Variants in LINGO2 observed in about 807,000 individuals in gnomAD.
The protein encoded by LINGO2 is leucine rich repeat and Ig domain containing 2, also known as leucine-rich repeat and immunoglobulin-like domain-containing nogo receptor-interacting protein 2.
A neutral mutation model predicts 30.6 loss-of-function variants in LINGO2; 14 were observed. The observed-to-expected ratio is 0.46, with a 90% confidence interval of 0.30 to 0.72. The LOEUF (loss-of-function observed/expected upper bound fraction) is 0.72. Among genes scored for constraint, LINGO2 ranks in the 30% least tolerant of loss-of-function variants. The pLI is 0.07. For synonymous variants in LINGO2, 317 were observed against 288.5 expected, an observed-to-expected ratio of 1.10 and a Z score of -1.00; for missense variants, 729 against 751.7, an observed-to-expected ratio of 0.97 and a Z score of 0.35.
At chr9:28,300,143 A>C (rs1824084379) in intron 3 of LINGO2, among the ~76,000 whole-genome samples, 1 of 139,092 alleles carries the variant, frequency 7.2e-6, no homozygotes, top group East Asian at 2.1e-4. Flanking sequence ...AAAAAAAAAA[A>C]CAAAGACACA....
chr9:28,354,676 T>TC (rs1452298258), intron 3 of LINGO2, among the ~76,000 whole-genome samples: 9 of 152,222 alleles, frequency 5.9e-5, no homozygotes, highest in African/African-American at 2.2e-4. Flanking sequence ...ACACATTTTT[T>TC]CTCCTTGTTT....
At chr9:28,276,818 A>G (rs73429596) in intron 4 of LINGO2, among the ~76,000 whole-genome samples, 1,839 of 152,336 alleles carry the variant, frequency 0.012, 50 homozygotes, top group African/African-American at 0.042. Context: ...ATTAAAAGAC[A>G]AACTCTTTAT....
At chr9:28,143,675 G>A (rs1381817751) in intron 4 of LINGO2, among the ~76,000 whole-genome samples, 1 of 151,778 alleles carries the variant, frequency 6.6e-6, no homozygotes. Flanking sequence ...AGGGAAAAGA[G>A]GTGTTTAACA....
the LINGO2 span, among the ~76,000 whole-genome samples, chr9:28,947,772 A>AT: frequency 6.6e-6 from 1 of 151,588 alleles, no homozygotes. Context: ...ATATGTATAT[A>AT]TAGTATGAAA....
At chr9:28,778,612 C>T in the LINGO2 span, among the ~76,000 whole-genome samples, 2 of 152,160 alleles carry the variant, frequency 1.3e-5, no homozygotes, top group East Asian at 1.9e-4. Flanking sequence ...AGTATGAGCA[C>T]AGGGACAATC....
the LINGO2 span, among the ~76,000 whole-genome samples, chr9:28,808,802 T>C: frequency 2.0e-4 from 30 of 152,332 alleles, no homozygotes; most frequent in African/African-American, 7.0e-4. Flanking sequence ...TTATAATAAA[T>C]ATTTAAGGAA....
intron 1 of LINGO2, among the ~76,000 whole-genome samples, chr9:28,551,763 C>T (rs1822296903): frequency 6.6e-6 from 1 of 152,010 alleles, no homozygotes; most frequent in South Asian, 2.1e-4. Context: ...TATTGACATT[C>T]TATTTTGGAA....
chr9:28,056,242 A>T (rs750499795), intron 4 of LINGO2, among the ~76,000 whole-genome samples: 21 of 152,068 alleles, frequency 1.4e-4, no homozygotes, highest in Non-Finnish European at 2.8e-4. Flanking sequence ...AATGGCAAGA[A>T]ACACTGCACT....
chr9:28,346,194 C>G (rs1819560189), intron 3 of LINGO2, among the ~76,000 whole-genome samples: 2 of 152,166 alleles, frequency 1.3e-5, no homozygotes, highest in Admixed American at 6.5e-5. Flanking sequence ...TGGTCCTCTA[C>G]TTCCTCCCAC....
chr9:28,986,003 A>C, the LINGO2 span, among the ~76,000 whole-genome samples: 1 of 152,168 alleles, frequency 6.6e-6, no homozygotes. Context: ...TATTACAATT[A>C]AGTCTTTAAT....
intron 2 of LINGO2, among the ~76,000 whole-genome samples, chr9:28,463,651 T>C (rs896138020): frequency 1.3e-5 from 2 of 152,096 alleles, no homozygotes. Context: ...TATGTGTGCA[T>C]GTTTGTGCTG....
At chr9:28,025,678 T>C (rs1223986879) in intron 4 of LINGO2, among the ~76,000 whole-genome samples, 1 of 152,200 alleles carries the variant, frequency 6.6e-6, no homozygotes, top group Non-Finnish European at 1.5e-5. Context: ...AAACTCATAC[T>C]CTAATAACTG....
At chr9:28,993,033 AT>A in the LINGO2 span, among the ~76,000 whole-genome samples, 2 of 152,164 alleles carry the variant, frequency 1.3e-5, no homozygotes, top group Non-Finnish European at 1.5e-5. Context: ...ACTGAAGGAA[AT>A]AGAGACACAA....
intron 4 of LINGO2, among the ~76,000 whole-genome samples, chr9:28,039,075 A>T (rs1011336239): frequency 5.9e-5 from 9 of 152,198 alleles, no homozygotes; most frequent in Non-Finnish European, 1.2e-4. Flanking sequence ...AGTTTAGGGC[A>T]AAGCCAAGGA....
At chr9:29,120,716 T>G in the LINGO2 span, among the ~76,000 whole-genome samples, 1 of 152,162 alleles carries the variant, frequency 6.6e-6, no homozygotes, top group African/African-American at 2.4e-5. Context: ...AATAAAATAG[T>G]GCAAAAGAGC....
chr9:28,325,827 C>A (rs989377089), intron 3 of LINGO2, among the ~76,000 whole-genome samples: 1 of 152,060 alleles, frequency 6.6e-6, no homozygotes, highest in African/African-American at 2.4e-5. Flanking sequence ...TAAACTCTGG[C>A]CTAGTACCCT....
rs940399584 is a variant in LINGO2 at position 28,148,646 on chromosome 9, C to T, written c.-86-136241G>A. ...CCTCAAGAGCTTGACAGAAAACAAC[C>T]AGACTGACAAGGCCCAGGTGCCTGC... On this transcript the variant is annotated intron_variant, in intron 4 of 5. Transcript: ENST00000379992. The surrounding 1 kb of genome is among the most constrained non-coding windows in gnomAD (Gnocchi z 5.1). 1 of 1,531,534 alleles carries T rather than the reference C, an allele frequency of 6.5e-7. No individual in the cohort carries two copies. The highest frequency in any genetic ancestry group is 1.2e-5 in the South Asian group (1 of 83,892). The allele number at this position is 1,531,534 out of a possible 1,614,324, so 94.9% of individuals were successfully genotyped here. A position where few individuals can be genotyped will look rare whatever the true frequency, so the allele number is the denominator to read the frequency against.
intron 4 of LINGO2, among the ~76,000 whole-genome samples, chr9:28,100,683 C>A (rs1398975772): frequency 6.6e-6 from 1 of 152,132 alleles, no homozygotes; most frequent in Non-Finnish European, 1.5e-5. Flanking sequence ...GACCCCTGTG[C>A]AAATTGAGGC....
intron 3 of LINGO2, among the ~76,000 whole-genome samples, chr9:28,313,822 T>C (rs1824725620): frequency 6.6e-6 from 1 of 152,208 alleles, no homozygotes; most frequent in Non-Finnish European, 1.5e-5. Flanking sequence ...GTTAGTTTGA[T>C]GGTACTTTGT....
Sources: allele counts gnomAD v4.1 joint callset (sites outside exome capture counted in the v4.1 genomes callset), GRCh38; gene constraint gnomAD v4.1.1; non-coding constraint Gnocchi (gnomAD v3.1); transcripts MANE v1.5; gene names NCBI Gene and HGNC (gene_info 2026-07-23, HGNC 2026-07-21).